IL1R1: variants seen among roughly 807,000 people sequenced by gnomAD.
IL1R1 encodes interleukin 1 receptor type 1, also known as interleukin-1 receptor type 1.
A neutral mutation model predicts 50.2 loss-of-function variants in IL1R1; 22 were observed. The observed-to-expected ratio is 0.44, with a 90% CI of 0.31 to 0.63. IL1R1 has a LOEUF of 0.63. IL1R1 is among the 20% of genes least tolerant of loss of function. IL1R1 has a pLI of 0.07. For synonymous variants in IL1R1, 251 were observed against 236.7 expected (o/e 1.06, Z -0.55); for missense variants, 509 against 676.2 (o/e 0.75, Z 2.74).
At chr2:102,108,286 G>A (rs1050815991) in intron 1 of IL1R1, among the ~76,000 whole-genome samples, 3 of 151,854 alleles carry the variant, frequency 2.0e-5, no homozygotes, top group African/African-American at 7.3e-5. Context: ...TTGGTTCTTA[G>A]ATTCAGTAGC....
At chr2:102,117,421 C>T (rs1248461136) in intron 1 of IL1R1, among the ~76,000 whole-genome samples, 2 of 152,178 alleles carry the variant, frequency 1.3e-5, no homozygotes, top group Non-Finnish European at 2.9e-5. Context: ...CTATTTGTGG[C>T]CTCTGCAGGC....
At position 102,176,956 on chromosome 2, in the gene IL1R1, C is replaced by T; in HGVS notation, c.*197C>T. 1.7e-6 allele frequency: 1 copy of T among 571,738 alleles called. No individual in the cohort carries two copies. The highest frequency in any genetic ancestry group is 2.5e-5 in the South Asian group (1 of 40,410). 35.4% of individuals were successfully genotyped at this position (571,738 alleles called of 1,614,324 possible). ...GCCCAGGGCACTTCAGAGTAGAGGGCTTGGGAAGATCTTTTAAAAAGGCAG... is the reference window on the plus strand; with the variant it reads ...GCCCAGGGCACTTCAGAGTAGAGGGTTTGGGAAGATCTTTTAAAAAGGCAG... On this transcript the variant is annotated 3_prime_UTR_variant, in exon 12 of 12. Coordinates refer to ENST00000410023, the MANE Select transcript of IL1R1 (RefSeq NM_000877.4).
intron 1 of IL1R1, among the ~76,000 whole-genome samples, chr2:102,105,728 T>C (rs557920224): frequency 2.6e-5 from 4 of 152,238 alleles, no homozygotes; most frequent in Non-Finnish European, 5.9e-5. Context: ...TGCATTGTAT[T>C]GGCAAAACTT....
In IL1R1 at chr2:102,073,443, T is replaced by C. The variant is rs111939332; in HGVS notation, c.-84+2910T>C. ...CTGCAAAATGGAATAGGAACAAAGA[T>C]TTAATCATTTGCCTCTGAAAAATCT... On this transcript the variant is annotated intron_variant, in intron 1 of 11. Coordinates refer to the IL1R1 transcript ENST00000409929. Among the ~76,000 whole-genome samples, 557 of 152,232 alleles carry C rather than the reference T, an allele frequency of 3.7e-3. 6 individuals carry two copies. The highest frequency in any genetic ancestry group is 0.013 in the African/African-American group (522 of 41,526).
At chr2:102,090,000 A>T (rs1220187555) in intron 1 of IL1R1, among the ~76,000 whole-genome samples, 1 of 150,882 alleles carries the variant, frequency 6.6e-6, no homozygotes, top group Non-Finnish European at 1.5e-5. Context: ...CACCCGGCTA[A>T]TTTTTTTGTA....
intron 1 of IL1R1, among the ~76,000 whole-genome samples, chr2:102,074,153 A>G (rs1441862278): frequency 3.9e-5 from 6 of 152,194 alleles, no homozygotes; most frequent in African/African-American, 1.2e-4. Context: ...GAATTTTGCT[A>G]GCTGTTTTAG....
rs3917326 is a variant in IL1R1, at chr2:102,177,866, C to T, written c.*1107C>T. On this transcript the variant is annotated 3_prime_UTR_variant, in exon 12 of 12. Transcript: ENST00000410023. Reference sequence around the variant, plus strand: ...CAGCCCACACATGAACCATCCTTCCCATGATGCCGCTCTTCTGTCATCCCG... The same window carrying T: ...CAGCCCACACATGAACCATCCTTCCTATGATGCCGCTCTTCTGTCATCCCG... 0.014 allele frequency: 2,128 copies of T among 152,694 alleles called. 21 individuals carry two copies. The highest frequency in any genetic ancestry group is 0.048 in the East Asian group (255 of 5,306). 9.5% of individuals were successfully genotyped at this position (152,694 alleles called of 1,614,324 possible).
At chr2:102,123,201 A>C (rs1681494161) in intron 1 of IL1R1, among the ~76,000 whole-genome samples, 1 of 152,266 alleles carries the variant, frequency 6.6e-6, no homozygotes, top group Non-Finnish European at 1.5e-5. Context: ...CCAAAGTTTT[A>C]TCAATCAGAG....
At chr2:102,157,387 C>T (rs1684293783) in intron 2 of IL1R1, among the ~76,000 whole-genome samples, 3 of 152,130 alleles carry the variant, frequency 2.0e-5, no homozygotes, top group East Asian at 3.9e-4. Context: ...GAGTGCATAG[C>T]TGACTTTGGA....
intron 1 of IL1R1, among the ~76,000 whole-genome samples, chr2:102,086,054 GA>G (rs1194380572): frequency 4.6e-5 from 7 of 152,072 alleles, no homozygotes; most frequent in African/African-American, 1.7e-4. Context: ...TTCGTTGATA[GA>G]AATAAAAGTG....
At chr2:102,135,630 G>T (rs1682301359) in intron 1 of IL1R1, among the ~76,000 whole-genome samples, 1 of 152,154 alleles carries the variant, frequency 6.6e-6, no homozygotes, top group Non-Finnish European at 1.5e-5. Flanking sequence ...GTGTGAAGAA[G>T]ATTCTTGCTC....
rs116839196 is a variant in IL1R1, at chr2:102,105,733, A to G, written c.-84+861A>G. On this transcript the variant is annotated intron_variant, in intron 1 of 10. Coordinates refer to the IL1R1 transcript ENST00000409329. ...AAAGGTATAATGCATTGTATTGGCA[A>G]AACTTGTACACGCTTTCTTCAATAA... Among the ~76,000 whole-genome samples, 1,157 of 152,296 alleles carry G rather than the reference A, an allele frequency of 7.6e-3. 12 individuals are homozygous for G. Among genetic ancestry groups the G allele is most frequent in the African/African-American group, 0.025 (1,032 of 41,552 alleles).
At chr2:102,132,725 A>C (rs991352946) in intron 1 of IL1R1, among the ~76,000 whole-genome samples, 2 of 152,192 alleles carry the variant, frequency 1.3e-5, no homozygotes, top group Non-Finnish European at 2.9e-5. Flanking sequence ...GTGGATTAAA[A>C]AGAGAAGACA....
At position 102,176,891 on chromosome 2, in the gene IL1R1, A is replaced by G; in HGVS notation, c.*132A>G. ...ATCCTTTATCCCTGAGGTCACCTGG[A>G]ATCAGATTATTAAGGGAATAAGCCA... On this transcript the variant is annotated 3_prime_UTR_variant, in exon 12 of 12. Transcript: ENST00000410023. 1.2e-6 allele frequency: 1 copy of G among 860,654 alleles called. No homozygotes were observed. The highest frequency in any genetic ancestry group is 1.8e-6 in the Non-Finnish European group (1 of 548,542). The allele number at this position is 860,654 out of a possible 1,614,324, so 53.3% of individuals were successfully genotyped here.
chr2:102,159,369 T>C (rs1259299655), intron 3 of IL1R1, among the ~76,000 whole-genome samples: 2 of 152,212 alleles, frequency 1.3e-5, no homozygotes, highest in Non-Finnish European at 2.9e-5. Flanking sequence ...CCATGTGTGT[T>C]GGAGCATACC....
intron 1 of IL1R1, among the ~76,000 whole-genome samples, chr2:102,128,615 G>A (rs185066013): frequency 7.9e-5 from 12 of 152,330 alleles, no homozygotes; most frequent in African/African-American, 2.9e-4. Context: ...ATAGTATATT[G>A]TAGAGCTGGG....
At chr2:102,117,636 C>T (rs1383192682) in intron 1 of IL1R1, among the ~76,000 whole-genome samples, 1 of 152,152 alleles carries the variant, frequency 6.6e-6, no homozygotes, top group Non-Finnish European at 1.5e-5. Flanking sequence ...CCCACCCATT[C>T]CAAAGAGAAC....
chr2:102,145,353 A>G (rs116153158), intron 1 of IL1R1, among the ~76,000 whole-genome samples: 26 of 152,252 alleles, frequency 1.7e-4, no homozygotes, highest in African/African-American at 6.3e-4. Context: ...TGGGTCCAGG[A>G]AATGCTGCTG....
At chr2:102,085,373 C>T (rs573099449) in intron 1 of IL1R1, among the ~76,000 whole-genome samples, 1 of 152,276 alleles carries the variant, frequency 6.6e-6, no homozygotes, top group Admixed American at 6.5e-5. Flanking sequence ...TGCAGACCAA[C>T]AATTAAGATT....
Sources: allele counts gnomAD v4.1 joint callset (sites outside exome capture counted in the v4.1 genomes callset), GRCh38; gene constraint gnomAD v4.1.1; transcripts MANE v1.5; gene names NCBI Gene and HGNC (gene_info 2026-07-23, HGNC 2026-07-21).